CLPB: variants seen among roughly 807,000 people sequenced by gnomAD.
CLPB encodes ClpB family mitochondrial disaggregase, also known as mitochondrial disaggregase.
A neutral mutation model predicts 78.4 loss-of-function variants in CLPB; 40 were observed. The ratio of observed to expected loss-of-function variants is 0.51; its 90% CI spans 0.40 to 0.66. The LOEUF (loss-of-function observed/expected upper bound fraction) is 0.66, where lower values mean the gene tolerates loss of function less well. CLPB is among the 30% of genes least tolerant of loss of function. CLPB has a pLI of 0.00. For missense variants in CLPB, 780 were observed against 886.9 expected, an observed-to-expected ratio of 0.88 and a Z score of 1.53; for synonymous variants, 333 against 348.0, an observed-to-expected ratio of 0.96 and a Z score of 0.48.
intron 2 of CLPB, chr11:72,411,712 G>T (rs1376566267): frequency 6.6e-6 from 1 of 152,200 alleles, no homozygotes; most frequent in African/African-American, 2.4e-5. Flanking sequence ...CTCAGGGGAG[G>T]GAGGTACCAC....
At chr11:72,329,574 TATCTGTATTTAAACAGATAATAATCACC>T in intron 6 of CLPB, 105 bp downstream of exon 6, 2 of 584,164 alleles carry the variant, frequency 3.4e-6, no homozygotes, top group Admixed American at 3.2e-5. Context: ...ATACAGATAA[TATCTGTATTTAAACAGATAATAATCACC>T]TAAGGAGAAG....
rs1195341641 is a variant in CLPB at position 72,290,422 on chromosome 11, A to C, written c.*2945T>G. ...CCTTATAGTAGAATACCAATTAATAAATACAGGTAAAATAATGAAACAAAG... is the reference window on the plus strand; with the variant it reads ...CCTTATAGTAGAATACCAATTAATACATACAGGTAAAATAATGAAACAAAG... On this transcript the variant is annotated 3_prime_UTR_variant, in exon 16 of 16. Transcript: ENST00000538039. 1 of 152,254 alleles carries C rather than the reference A, an allele frequency of 6.6e-6. No individual in the cohort carries two copies. The highest frequency in any genetic ancestry group is 1.5e-5 in the Non-Finnish European group (1 of 68,048). 9.4% of individuals were successfully genotyped at this position (152,254 alleles called of 1,614,324 possible).
chr11:72,412,633 C>T (rs903905631), intron 2 of CLPB, among the ~76,000 whole-genome samples: 1 of 152,210 alleles, frequency 6.6e-6, no homozygotes, highest in East Asian at 1.9e-4. Flanking sequence ...TCACACTACC[C>T]TCTCTGAACC....
intron 2 of CLPB, among the ~76,000 whole-genome samples, chr11:72,419,011 G>A (rs2135132893): frequency 6.6e-6 from 1 of 152,252 alleles, no homozygotes; most frequent in Admixed American, 6.5e-5. Context: ...ACATAGTAGA[G>A]CCTCAAAGTT....
chr11:72,390,728 C>G (rs1855229684), intron 3 of CLPB, among the ~76,000 whole-genome samples: 1 of 152,210 alleles, frequency 6.6e-6, no homozygotes, highest in African/African-American at 2.4e-5. Context: ...AGGGTATAGA[C>G]TGGTGCAGCC....
In CLPB at chr11:72,403,014, C is replaced by G. The variant is rs776867868; in HGVS notation, c.494G>C (p.Arg165Thr). The change falls in exon 3 of 16, where the codon AGA becomes ACA. Residue 165 changes from arginine (R) to threonine (T), a missense_variant. Physicochemically the swap from Arg to Thr is moderately conservative, Grantham distance 71. Around this residue, in one of 3 missense-constraint regions of CLPB, gnomAD observed 417 missense variants for 414.7 expected, o/e 1.01. Coordinates refer to ENST00000538039, the MANE Select transcript of CLPB (RefSeq NM_001258392.3). The stretch of plus-strand genomic sequence containing the variant: ...CACCATGAGTGCTGTCCAGCCAAGT[C>G]TGTGCTTTGCATTGACATCTGCACC... ...SEGADVNAKHRLGWTALMVAA... is the reference protein window; with the variant it reads ...SEGADVNAKHTLGWTALMVAA... The G allele has an allele frequency of 1.2e-6, 2 of 1,613,692 alleles. No homozygotes were observed. Among genetic ancestry groups the G allele is most frequent in the South Asian group, 2.2e-5 (2 of 91,046 alleles).
chr11:72,393,738 A>C (rs752940120), intron 3 of CLPB, among the ~76,000 whole-genome samples: 2 of 152,226 alleles, frequency 1.3e-5, no homozygotes, highest in Non-Finnish European at 2.9e-5. Flanking sequence ...TTGGGTTTTT[A>C]GTCAGCTTCT....
intron 6 of CLPB, among the ~76,000 whole-genome samples, chr11:72,326,935 G>A (rs542810477): frequency 6.6e-6 from 1 of 152,232 alleles, no homozygotes; most frequent in Non-Finnish European, 1.5e-5. Context: ...GGCATCCAGG[G>A]AGGGCTGAGG....
chr11:72,411,038 T>C (rs1159775353), intron 2 of CLPB, among the ~76,000 whole-genome samples: 1 of 152,208 alleles, frequency 6.6e-6, no homozygotes, highest in African/African-American at 2.4e-5. Flanking sequence ...TGTGCTAACC[T>C]GTATCAATGT....
Position 72,286,229 on chromosome 11 carries a change from T to TTTTTGTTTTTG in CLPB, c.*7137_*7138insCAAAAACAAAA, listed in dbSNP as rs773896856. 3.7e-5 allele frequency: 5 copies of TTTTTGTTTTTG among 133,508 alleles called. No individual in the cohort carries two copies. The South Asian group carries it at 1.3e-3, about 35-fold the overall frequency. 8.3% of individuals were successfully genotyped at this position (133,508 alleles called of 1,614,324 possible). ...GGTGTGAGATACTGCACCTGTTTTT[T>TTTTTGTTTTTG]TTTTTTTTTTTTTTTTTAAGAGATA... is the stretch of plus-strand genomic sequence containing the variant. On this transcript the variant is annotated 3_prime_UTR_variant, in exon 16 of 16. Transcript: ENST00000538039.
intron 5 of CLPB, among the ~76,000 whole-genome samples, chr11:72,357,471 T>C (rs886733593): frequency 6.6e-6 from 1 of 151,400 alleles, no homozygotes; most frequent in Non-Finnish European, 1.5e-5. Context: ...CTGAGGCGGG[T>C]GGATCACCTG....
intron 5 of CLPB, chr11:72,354,371 C>A: frequency 2.5e-6 from 1 of 398,160 alleles, no homozygotes; most frequent in Non-Finnish European, 4.4e-6. Context: ...AGAATGAGGG[C>A]TCAATTCTCT....
At chr11:72,412,096 G>T (rs754530449) in intron 2 of CLPB, 3 of 152,312 alleles carry the variant, frequency 2.0e-5, no homozygotes, top group Non-Finnish European at 2.9e-5. Flanking sequence ...GGAGGGGCAG[G>T]GCAAGGGAGC....
intron 8 of CLPB, 66 bp from the exon 9 acceptor site, chr11:72,307,320 A>T (rs1949763434): frequency 7.7e-7 from 1 of 1,298,074 alleles, no homozygotes; most frequent in Non-Finnish European, 1.1e-6. Flanking sequence ...ATGAAAGAAT[A>T]CTAGAAATGC....
chr11:72,426,323 A>G (rs1053609970), intron 2 of CLPB, among the ~76,000 whole-genome samples: 1 of 152,182 alleles, frequency 6.6e-6, no homozygotes, highest in Non-Finnish European at 1.5e-5. Context: ...AACTCCTCAC[A>G]TGGCTTGGCC....
chr11:72,423,925 T>C (rs1188048739), intron 2 of CLPB, among the ~76,000 whole-genome samples: 1 of 152,256 alleles, frequency 6.6e-6, no homozygotes, highest in Admixed American at 6.5e-5. Context: ...TCCCTCTAAC[T>C]GAACTGTCTT....
chr11:72,320,597 G>A (rs1950026843), intron 6 of CLPB, among the ~76,000 whole-genome samples: 1 of 152,088 alleles, frequency 6.6e-6, no homozygotes, highest in East Asian at 1.9e-4. Context: ...AAAATGTAAA[G>A]GACACTGAGA....
chr11:72,319,246 T>A (rs2064192424), intron 6 of CLPB, among the ~76,000 whole-genome samples: 1 of 152,218 alleles, frequency 6.6e-6, no homozygotes, highest in African/African-American at 2.4e-5. Flanking sequence ...CTTAAATAAC[T>A]TCCTGTTTGT....
intron 6 of CLPB, among the ~76,000 whole-genome samples, chr11:72,325,157 A>G (rs1017488322): frequency 6.6e-6 from 1 of 152,168 alleles, no homozygotes; most frequent in Non-Finnish European, 1.5e-5. Context: ...TTTATCTGCT[A>G]TCATGTCAAC....
Sources: gnomAD v4.1 joint callset for allele counts (sites outside exome capture counted in the v4.1 genomes callset) on GRCh38, gnomAD v4.1.1 for gene constraint, gnomAD v4.1.1 regional missense constraint, MANE v1.5 for transcripts, NCBI Gene and HGNC (gene_info 2026-07-23, HGNC 2026-07-21) for gene names.